The following CEP85L variants were observed in gnomAD, a reference collection of about 807,000 sequenced individuals.
The protein encoded by CEP85L is centrosomal protein 85L.
CEP85L carries 60 observed loss-of-function variants against 100.3 expected under a neutral mutation model. The observed-to-expected ratio is 0.60, with a 90% CI of 0.49 to 0.74. The LOEUF is 0.74. Ranked by LOEUF, CEP85L falls within the 30% of genes least tolerant of loss-of-function variation. The pLI, the probability that CEP85L is intolerant of heterozygous loss-of-function variation, is 0.00. For synonymous variants in CEP85L, 319 were observed against 322.7 expected, an observed-to-expected ratio of 0.99 and a Z score of 0.12; for missense variants, 973 against 936.2, an observed-to-expected ratio of 1.04 and a Z score of -0.51.
At chr6:118,504,984 TC>T (rs1457801024) in intron 5 of CEP85L, among the ~76,000 whole-genome samples, 10 of 152,112 alleles carry the variant, frequency 6.6e-5, no homozygotes, top group Non-Finnish European at 7.3e-5. Context: ...GCGGCTTTAC[TC>T]ATAATTGCCA....
upstream of CEP85L, chr6:118,651,902 T>G: frequency 1.0e-6 from 1 of 985,528 alleles, no homozygotes. Flanking sequence ...TCCGGGCACC[T>G]CTGTGAAGAC....
At chr6:118,686,289 G>A (rs983028823) in intron 1 of CEP85L, among the ~76,000 whole-genome samples, 3 of 151,762 alleles carry the variant, frequency 2.0e-5, no homozygotes, top group Non-Finnish European at 2.9e-5. Flanking sequence ...ATTTTTGGAT[G>A]TACTGTTGTG....
intron 3 of CEP85L, among the ~76,000 whole-genome samples, chr6:118,536,721 T>TG (rs1227791128): frequency 6.6e-6 from 1 of 152,018 alleles, no homozygotes; most frequent in African/African-American, 2.4e-5. Context: ...ACACCAAGAA[T>TG]GCATGGATGA....
In CEP85L at chr6:118,609,843, G is replaced by T. The variant is rs532912324; in HGVS notation, c.232+22610C>A. ...ATCCATTGTTTCATTCAACAAAATT[G>T]AACACCCAGGACATACCAGTTCCTG... is the stretch of plus-strand genomic sequence containing the variant. On this transcript the variant is annotated intron_variant, in intron 2 of 12. Coordinates refer to ENST00000368491, the MANE Select transcript of CEP85L (RefSeq NM_001042475.3). Among the ~76,000 whole-genome samples the T allele has an allele frequency of 7.9e-5, 12 of 152,034 alleles. No homozygotes were observed. The East Asian group carries it at 1.9e-3, about 25-fold the overall frequency.
At chr6:118,540,248 C>A (rs1583008158) in intron 3 of CEP85L, among the ~76,000 whole-genome samples, 1 of 152,150 alleles carries the variant, frequency 6.6e-6, no homozygotes, top group East Asian at 1.9e-4. Context: ...TGGTTCCTTT[C>A]CTGTATCATG....
chr6:118,630,801 G>A (rs1774094818), intron 2 of CEP85L, among the ~76,000 whole-genome samples: 1 of 152,238 alleles, frequency 6.6e-6, no homozygotes, highest in Non-Finnish European at 1.5e-5. Context: ...GTGAGTGGCT[G>A]CAGGTGAGTG....
intron 2 of CEP85L, among the ~76,000 whole-genome samples, chr6:118,568,826 AAGTTTATGG>A (rs1219317785): frequency 2.6e-5 from 4 of 152,182 alleles, no homozygotes; most frequent in Non-Finnish European, 1.5e-5. Context: ...ACGTCCCCAA[AAGTTTATGG>A]AATATTTGTA....
chr6:118,559,255 G>A, intron 3 of CEP85L: 1 of 655,414 alleles, frequency 1.5e-6, no homozygotes, highest in Non-Finnish European at 2.8e-6. Flanking sequence ...TTCATCTGTT[G>A]GATCTTGTAA....
chr6:118,498,369 A>G (rs1253566827), intron 5 of CEP85L, among the ~76,000 whole-genome samples: 2 of 152,058 alleles, frequency 1.3e-5, no homozygotes, highest in Admixed American at 6.6e-5. Flanking sequence ...GATAAAAGAC[A>G]AAGTGTGGAA....
At chr6:118,505,409 CAAAAAAAAAAA>C (rs56893664) in intron 5 of CEP85L, among the ~76,000 whole-genome samples, 28,672 of 72,448 alleles carry the variant, frequency 0.4, 4,108 homozygotes, top group East Asian at 0.68. Context: ...TCACTGTACT[CAAAAAAAAAAA>C]AAAAAAAAAA....
intron 3 of CEP85L, chr6:118,560,778 A>G (rs948770856): frequency 3.2e-5 from 5 of 158,492 alleles, no homozygotes; most frequent in Admixed American, 2.0e-4. Context: ...TAACTCATAA[A>G]ACAACTGAAG....
chr6:118,650,746 G>C (rs575191247), intron 1 of CEP85L, among the ~76,000 whole-genome samples: 1 of 152,284 alleles, frequency 6.6e-6, no homozygotes, highest in South Asian at 2.1e-4. Flanking sequence ...ACCAGAAGTC[G>C]GGAGGGCGCG....
intron 1 of CEP85L, among the ~76,000 whole-genome samples, chr6:118,674,633 CA>C (rs1195120827): frequency 1.3e-5 from 2 of 151,632 alleles, no homozygotes; most frequent in African/African-American, 4.8e-5. Flanking sequence ...AACAAAAAGA[CA>C]ATCTGATTTT....
In CEP85L at chr6:118,462,669, T is replaced by C. The variant is rs1271288615; in HGVS notation, c.*2736A>G. On this transcript the variant is annotated 3_prime_UTR_variant, in exon 13 of 13. Transcript: ENST00000368491. ...GTTAATTTTCATTTCAGGAATATAT[T>C]GGTGTCATAACTTCCACGAACATCC... 1 of 152,014 alleles carries C rather than the reference T, an allele frequency of 6.6e-6. No homozygotes were observed. Among genetic ancestry groups the C allele is most frequent in the African/African-American group, 2.4e-5 (1 of 41,450 alleles). 9.4% of individuals were successfully genotyped at this position (152,014 alleles called of 1,614,324 possible).
chr6:118,637,332 G>C (rs1386261246), intron 1 of CEP85L, among the ~76,000 whole-genome samples: 1 of 152,138 alleles, frequency 6.6e-6, no homozygotes, highest in Admixed American at 6.5e-5. Context: ...TCAGTGTACT[G>C]CCACCTTATA....
chr6:118,622,472 A>T (rs1244147400), intron 2 of CEP85L, among the ~76,000 whole-genome samples: 1 of 152,174 alleles, frequency 6.6e-6, no homozygotes, highest in Non-Finnish European at 1.5e-5. Context: ...TAACCTGTAT[A>T]CTGATAGAAG....
At chr6:118,641,790 G>GCCTCC (rs1179728571) in intron 1 of CEP85L, among the ~76,000 whole-genome samples, 3 of 150,918 alleles carry the variant, frequency 2.0e-5, no homozygotes, top group African/African-American at 7.3e-5. Context: ...TCAAGCTGAT[G>GCCTCC]CCTCCCATGC....
intron 1 of CEP85L, among the ~76,000 whole-genome samples, chr6:118,695,594 T>G (rs1278110012): frequency 1.3e-5 from 2 of 152,214 alleles, no homozygotes; most frequent in African/African-American, 4.8e-5. Context: ...GGTCTTGGGA[T>G]CACCTTTTGA....
chr6:118,469,160 A>G lies in CEP85L; in HGVS notation c.2166T>C (p.Cys722=), dbSNP rs1772751870. The G allele has an allele frequency of 6.2e-7, 1 of 1,614,030 alleles. No homozygotes were observed. ...IDQLFKEMSC[C]LFDLKALCSI... Reference sequence around the variant, plus strand: ...TACACAATGCTTTCAAGTCAAACAAACAACAGGACATTTCCTTGAACAGCT... The same window carrying G: ...TACACAATGCTTTCAAGTCAAACAAGCAACAGGACATTTCCTTGAACAGCT... The change falls in exon 12 of 13, where the codon TGT becomes TGC. Residue 722 remains cysteine, a synonymous_variant. Coordinates refer to ENST00000368491, the MANE Select transcript of CEP85L (RefSeq NM_001042475.3).
Sources: allele counts gnomAD v4.1 joint callset (sites outside exome capture counted in the v4.1 genomes callset), GRCh38; gene constraint gnomAD v4.1.1; transcripts MANE v1.5; gene names NCBI Gene and HGNC (gene_info 2026-07-23, HGNC 2026-07-21).